MCOLN1: variants seen among roughly 807,000 people sequenced by gnomAD.
MCOLN1 encodes mucolipin-1.
MCOLN1 carries 50 observed loss-of-function variants against 70.3 expected under a neutral mutation model. The ratio of observed to expected loss-of-function variants is 0.71; its 90% CI spans 0.57 to 0.90. The LOEUF is 0.90. Among genes scored for constraint, MCOLN1 ranks in the 40% least tolerant of loss-of-function variants. The pLI is 0.00. For missense variants in MCOLN1, 598 were observed against 803.5 expected, an observed-to-expected ratio of 0.74 and a Z score of 3.09; for synonymous variants, 366 against 341.0, an observed-to-expected ratio of 1.07 and a Z score of -0.81.
In MCOLN1 at chr19:7,528,644, T is replaced by C; in HGVS notation, c.925T>C (p.Cys309Arg). 1 of 1,614,254 alleles carries C rather than the reference T, an allele frequency of 6.2e-7. No individual in the cohort carries two copies. Among genetic ancestry groups the C allele is most frequent in the Non-Finnish European group, 8.5e-7 (1 of 1,180,040 alleles). ...GTTTGACGTGGTGGTCATCCTCACC[T>C]GCTCCCTGTCCTTCCTCCTCTGCGC... The part of the protein sequence containing the change: ...LLFDVVVILT[C>R]SLSFLLCARS... The change falls in exon 8 of 14, where the codon TGC (cysteine) becomes CGC (arginine). Residue 309 changes from cysteine (C) to arginine (R), a missense_variant. This residue lies in a region of MCOLN1 where 461 missense variants were observed against 588.4 expected (regional missense o/e 0.78). Transcript: ENST00000264079. This position sits in a 1 kb window ranked among gnomAD's most constrained non-coding sequence, Gnocchi z 4.2.
chr19:7,530,806 C>T (rs2022644743), intron 12 of MCOLN1, among the ~76,000 whole-genome samples: 1 of 152,074 alleles, frequency 6.6e-6, no homozygotes, highest in Admixed American at 6.6e-5. Context: ...TGCAGTGGTG[C>T]GATCTTGACT....
Position 7,526,689 on chromosome 19 carries a change from G to T in MCOLN1, c.406-72G>T. ...CAGTTGGGCGGGCAGGTGCTGGTGG[G>T]CGGGCAGGTGCAGGTGGGTGGGCTG... is the stretch of plus-strand genomic sequence containing the variant. On this transcript the variant is annotated intron_variant, in intron 3 of 13. Coordinates refer to ENST00000264079, the MANE Select transcript of MCOLN1 (RefSeq NM_020533.3). This position sits in a 1 kb window ranked among gnomAD's most constrained non-coding sequence, Gnocchi z 4.6. The T allele has an allele frequency of 6.2e-7, 1 of 1,601,176 alleles. No individual in the cohort carries two copies.
In MCOLN1 at chr19:7,529,819, C is replaced by T. The variant is rs1272132424; in HGVS notation, c.1359+107C>T. ...ACTGCTGGGAGTCTGTCCACTGTCC[C>T]CTGTGGTCCTTGGTGACCCTGACAC... is the stretch of plus-strand genomic sequence containing the variant. On this transcript the variant is annotated intron_variant, in intron 11 of 13. Coordinates refer to ENST00000264079, the MANE Select transcript of MCOLN1 (RefSeq NM_020533.3). 5 of 1,356,832 alleles carry T rather than the reference C, an allele frequency of 3.7e-6. No individual in the cohort carries two copies. The Admixed American group carries it at 5.0e-5, about 14-fold the overall frequency. The allele number at this position is 1,356,832 out of a possible 1,614,324, so 84.0% of individuals were successfully genotyped here.
chr19:7,529,015 T>C, intron 9 of MCOLN1, 45 bp downstream of exon 9: 2 of 1,613,874 alleles, frequency 1.2e-6, no homozygotes, highest in Non-Finnish European at 1.7e-6. Flanking sequence ...ATCCCTGCTG[T>C]CAGTGCCTAT....
At chr19:7,522,825 C>T (rs2022514134) in intron 1 of MCOLN1, 44 bp downstream of exon 1, 1 of 1,308,930 alleles carries the variant, frequency 7.6e-7, no homozygotes, top group South Asian at 2.1e-5. Flanking sequence ...CTCAGGCGGG[C>T]GGGCTGTGTC....
At chr19:7,529,929 C>A (rs2022630231) in intron 11 of MCOLN1, among the ~76,000 whole-genome samples, 1 of 152,238 alleles carries the variant, frequency 6.6e-6, no homozygotes. Flanking sequence ...TCTACCCAGA[C>A]CCTAGGTCGG....
rs886054695 is a variant in MCOLN1, at chr19:7,528,842, C to A, written c.1006C>A (p.Arg336=). The A allele has an allele frequency of 1.2e-6, 2 of 1,614,086 alleles. No homozygotes were observed. Among genetic ancestry groups the A allele is most frequent in the African/African-American group, 2.7e-5 (2 of 74,938 alleles). ...GCAGGAGTTTGTGGGGTTCATGTGGCGGCAGCGGGGACGGGTCATCAGCCT... is the reference window on the plus strand; with the variant it reads ...GCAGGAGTTTGTGGGGTTCATGTGGAGGCAGCGGGGACGGGTCATCAGCCT... The part of the protein sequence containing the change: ...LQNEFVGFMW[R]QRGRVISLWE... Residue 336 remains arginine, a synonymous_variant, in exon 9 of 14, where the codon CGG becomes AGG. Coordinates refer to ENST00000264079, the MANE Select transcript of MCOLN1 (RefSeq NM_020533.3). This position sits in a 1 kb window ranked among gnomAD's most constrained non-coding sequence, Gnocchi z 4.2.
At position 7,527,518 on chromosome 19, in the gene MCOLN1, A is replaced by C. The variant is rs2146023425; in HGVS notation, c.572-2A>C. 4.9e-6 allele frequency: 7 copies of C among 1,440,634 alleles called. No individual in the cohort carries two copies. Among genetic ancestry groups the C allele is most frequent in the Non-Finnish European group, 6.9e-6 (7 of 1,021,486 alleles). The allele number at this position is 1,440,634 out of a possible 1,614,324, so 89.2% of individuals were successfully genotyped here. ...GGCCCTTCCCTGACTCCCTGTCCTTAGACTGCATCCAGGTGGATCCCCCCG... is the reference window on the plus strand; with the variant it reads ...GGCCCTTCCCTGACTCCCTGTCCTTCGACTGCATCCAGGTGGATCCCCCCG... On this transcript the variant is annotated splice_acceptor_variant, in intron 4 of 13. Transcript: ENST00000264079. LOFTEE classifies it high-confidence loss of function.
At position 7,526,418 on chromosome 19, in the gene MCOLN1, C is replaced by A. The variant is rs771337858; in HGVS notation, c.238-21C>A. ...CCAACCCCCATCCTAGCCATGCCAA[C>A]CTCTACTACCCTCTCCCCAGCTCAT... On this transcript the variant is annotated intron_variant, in intron 2 of 13. Coordinates refer to ENST00000264079, the MANE Select transcript of MCOLN1 (RefSeq NM_020533.3). This position sits in a 1 kb window ranked among gnomAD's most constrained non-coding sequence, Gnocchi z 4.6. The A allele has an allele frequency of 6.2e-7, 1 of 1,614,236 alleles. No homozygotes were observed. Among genetic ancestry groups the A allele is most frequent in the South Asian group, 1.1e-5 (1 of 91,088 alleles).
In MCOLN1 at chr19:7,528,174, A is replaced by G; in HGVS notation, c.794A>G (p.Lys265Arg). 1 of 1,613,978 alleles carries G rather than the reference A, an allele frequency of 6.2e-7. No individual in the cohort carries two copies. Among genetic ancestry groups the G allele is most frequent in the South Asian group, 1.1e-5 (1 of 91,080 alleles). Residue 265 changes from lysine to arginine, a missense_variant, in exon 7 of 14, where the codon AAA becomes AGA. Around this residue, in one of 3 missense-constraint regions of MCOLN1, gnomAD observed 461 missense variants for 588.4 expected, o/e 0.78. Transcript: ENST00000264079. The surrounding 1 kb of genome is among the most constrained non-coding windows in gnomAD (Gnocchi z 4.2). ...CCCCCACAGATCACGTTTGACAACA[A>G]AGCACACAGTGGGCGGATCCCCATC... Reference protein sequence around the residue: ...TFSVLITFDNKAHSGRIPISL... With the variant: ...TFSVLITFDNRAHSGRIPISL...
chr19:7,529,501 G>GCCCCC, intron 10 of MCOLN1, 89 bp from the exon 11 acceptor site: 1 of 747,248 alleles, frequency 1.3e-6, no homozygotes, highest in East Asian at 2.9e-5. Flanking sequence ...CCTCGGCAAG[G>GCCCCC]CCCCGCCCCT....
In MCOLN1 at chr19:7,524,442, A is replaced by C. The variant is rs1470810448; in HGVS notation, c.32-519A>C. Among the ~76,000 whole-genome samples, 1 of 152,202 alleles carries C rather than the reference A, an allele frequency of 6.6e-6. No homozygotes were observed. Among genetic ancestry groups the C allele is most frequent in the African/African-American group, 2.4e-5 (1 of 41,434 alleles). On this transcript the variant is annotated intron_variant, in intron 1 of 13. Transcript: ENST00000264079. This position sits in a 1 kb window ranked among gnomAD's most constrained non-coding sequence, Gnocchi z 4.1. Reference sequence around the variant, plus strand: ...CATCTTTTGGGTATTTGTCCAGACAAACCTAGAATACAGGCTGAGTTCTAT... The same window carrying C: ...CATCTTTTGGGTATTTGTCCAGACACACCTAGAATACAGGCTGAGTTCTAT...
rs938665507 is a variant in MCOLN1, at chr19:7,530,621, C to T, written c.1575+120C>T. On this transcript the variant is annotated intron_variant, in intron 12 of 13. Transcript: ENST00000264079. ...GACCCAGGAGAGAATATGGGAGACT[C>T]TATGAAACCAAAAAGAGGGTGGTTC... The T allele has an allele frequency of 6.0e-6, 6 of 1,002,514 alleles. No homozygotes were observed. In the African/African-American group the frequency reaches 9.5e-5, roughly 16 times the overall value. 62.1% of individuals were successfully genotyped at this position (1,002,514 alleles called of 1,614,324 possible).
intron 12 of MCOLN1, among the ~76,000 whole-genome samples, chr19:7,531,147 T>C (rs1389095384): frequency 1.3e-5 from 2 of 149,260 alleles, no homozygotes; most frequent in East Asian, 3.9e-4. Context: ...ATCCTCCCAC[T>C]TTGGCCTCCC....
In MCOLN1 at chr19:7,524,806, C is replaced by G. The variant is rs2022543180; in HGVS notation, c.32-155C>G. ...ACGGGTGCATAGATACCTACAATGT[C>G]ACAGGTTTTCTGGTTTTCTTTAGAC... On this transcript the variant is annotated intron_variant, in intron 1 of 13. Coordinates refer to ENST00000264079, the MANE Select transcript of MCOLN1 (RefSeq NM_020533.3). This position sits in a 1 kb window ranked among gnomAD's most constrained non-coding sequence, Gnocchi z 4.1. Among the ~76,000 whole-genome samples the G allele has an allele frequency of 6.6e-6, 1 of 152,160 alleles. No individual in the cohort carries two copies. Among genetic ancestry groups the G allele is most frequent in the Non-Finnish European group, 1.5e-5 (1 of 68,028 alleles).
rs953004761 is a variant in MCOLN1 at position 7,525,297 on chromosome 19, G to A, written c.237+131G>A. The A allele has an allele frequency of 2.4e-6, 2 of 823,918 alleles. No individual in the cohort carries two copies. Among genetic ancestry groups the A allele is most frequent in the Non-Finnish European group, 4.0e-6 (2 of 496,200 alleles). 51.0% of individuals were successfully genotyped at this position (823,918 alleles called of 1,614,324 possible). On this transcript the variant is annotated intron_variant, in intron 2 of 13. Transcript: ENST00000264079. This position sits in a 1 kb window ranked among gnomAD's most constrained non-coding sequence, Gnocchi z 4.2. ...GCTTGAGGCTGGGAGTTCAAGACCA[G>A]TCTGGCCAGCATGGTGAAACCCCAT...
At chr19:7,527,799 G>A (rs2022594243) in intron 5 of MCOLN1, 65 bp from the exon 6 acceptor site, 1 of 1,346,472 alleles carries the variant, frequency 7.4e-7, no homozygotes, top group Non-Finnish European at 1.1e-6. Context: ...GGCAGGGGAC[G>A]CTGGCACTTG....
At position 7,525,584 on chromosome 19, in the gene MCOLN1, C is replaced by A. The variant is rs549144801; in HGVS notation, c.237+418C>A. On this transcript the variant is annotated intron_variant, in intron 2 of 13. Transcript: ENST00000264079. This position sits in a 1 kb window ranked among gnomAD's most constrained non-coding sequence, Gnocchi z 4.2. ...AGAACATTGGGAGCTGGGATTTGAACCCAGGCAGTCTGACACCATGTTGAC... is the reference window on the plus strand; with the variant it reads ...AGAACATTGGGAGCTGGGATTTGAAACCAGGCAGTCTGACACCATGTTGAC... 7.6e-6 allele frequency: 2 copies of A among 263,638 alleles called. No individual in the cohort carries two copies. The highest frequency in any genetic ancestry group is 1.5e-3 in the Middle Eastern group (1 of 664). The allele number at this position is 263,638 out of a possible 1,614,324, so 16.3% of individuals were successfully genotyped here.
At chr19:7,529,518 C>G in intron 10 of MCOLN1, 72 bp from the exon 11 acceptor site, 1 of 1,352,500 alleles carries the variant, frequency 7.4e-7, no homozygotes, top group Non-Finnish European at 1.0e-6. Flanking sequence ...CCCTCCCACC[C>G]CCATCTGGGT....
Sources: gnomAD v4.1 joint callset for allele counts (sites outside exome capture counted in the v4.1 genomes callset) on GRCh38, gnomAD v4.1.1 for gene constraint, gnomAD v4.1.1 regional missense constraint, Gnocchi (gnomAD v3.1) non-coding constraint, MANE v1.5 for transcripts, NCBI Gene and HGNC (gene_info 2026-07-23, HGNC 2026-07-21) for gene names.